Variants in RARRES1 observed in about 807,000 individuals in gnomAD.
RARRES1 encodes retinoic acid receptor responder 1, also known as retinoic acid receptor responder protein 1.
A neutral mutation model predicts 30.6 loss-of-function variants in RARRES1; 34 were observed. The observed-to-expected ratio is 1.11, with a 90% CI of 0.84 to 1.48. RARRES1 has a LOEUF of 1.48. Ranked by LOEUF, RARRES1 falls within the 40% of genes most tolerant of loss-of-function variation. The probability of loss-of-function intolerance (pLI) is 0.00; values close to 1 mark genes in which losing one functional copy is unlikely to be tolerated. For missense variants in RARRES1, 373 were observed against 386.5 expected, an observed-to-expected ratio of 0.97 and a Z score of 0.29; for synonymous variants, 153 against 155.5, an observed-to-expected ratio of 0.98 and a Z score of 0.12.
chr3:158,712,194 ATCT>A (rs1287013960), intron 2 of RARRES1, among the ~76,000 whole-genome samples: 2 of 152,168 alleles, frequency 1.3e-5, no homozygotes, highest in Non-Finnish European at 2.9e-5. Context: ...TGAGGTGATA[ATCT>A]TCTTTTTACT....
chr3:158,703,784 A>G (rs191288560), intron 4 of RARRES1, among the ~76,000 whole-genome samples: 1 of 152,250 alleles, frequency 6.6e-6, no homozygotes, highest in Admixed American at 6.5e-5. Flanking sequence ...TCCATGATCC[A>G]GTCCTTACAT....
intron 1 of RARRES1, among the ~76,000 whole-genome samples, chr3:158,720,283 A>AGAGG (rs1559873779): frequency 1.6e-5 from 2 of 122,724 alleles, no homozygotes; most frequent in African/African-American, 6.4e-5. Context: ...TGAGAGAGAG[A>AGAGG]GAGAGAGAGA....
intron 1 of RARRES1, among the ~76,000 whole-genome samples, chr3:158,724,895 G>A (rs1237366451): frequency 6.6e-6 from 1 of 151,814 alleles, no homozygotes; most frequent in East Asian, 1.9e-4. Context: ...GGTGCAATCA[G>A]GGCTCACTGC....
rs912481006 is a variant in RARRES1, at chr3:158,723,322, C to T, written c.276+8818G>A. 2.6e-5 allele frequency among the ~76,000 whole-genome samples: 4 copies of T among 152,212 alleles called. No homozygotes were observed. Among genetic ancestry groups the T allele is most frequent in the Admixed American group, 1.3e-4 (2 of 15,282 alleles). ...AGGCTATTCCAGTAAAAGCAAACTT[C>T]GTCATTTTATAAGGTTACTTTTATG... On this transcript the variant is annotated intron_variant, in intron 1 of 5. Transcript: ENST00000237696. This position sits in a 1 kb window ranked among gnomAD's most constrained non-coding sequence, Gnocchi z 4.4.
rs1559873736 is a variant in RARRES1, at chr3:158,720,266, A to ATGTATG, written c.277-6408_277-6407insCATACA. Among the ~76,000 whole-genome samples the ATGTATG allele has an allele frequency of 9.6e-5, 12 of 124,852 alleles. No homozygotes were observed. In the East Asian group the frequency reaches 1.6e-3, roughly 17 times the overall value. The allele number at this position is 124,852 out of a possible 152,430, so 81.9% of individuals were successfully genotyped here. On this transcript the variant is annotated intron_variant, in intron 1 of 5. Transcript: ENST00000237696. ...TGTGTGTGTGTGTGTGTGTGTGTGT[A>ATGTATG]TGTGTGTGAGAGAGAGAGAGAGAGA...
chr3:158,713,717 ATATT>A, intron 2 of RARRES1, 76 bp downstream of exon 2: 4 of 1,341,664 alleles, frequency 3.0e-6, no homozygotes, highest in Non-Finnish European at 4.2e-6. Flanking sequence ...AGATCACTAT[ATATT>A]AAGATTCTCA....
At chr3:158,702,386 G>A (rs574225244) in intron 4 of RARRES1, among the ~76,000 whole-genome samples, 3 of 152,232 alleles carry the variant, frequency 2.0e-5, no homozygotes, top group Non-Finnish European at 2.9e-5. Flanking sequence ...CCTCGCTTTC[G>A]TACGTGCAGT....
intron 4 of RARRES1, among the ~76,000 whole-genome samples, chr3:158,701,436 A>G (rs1277082456): frequency 2.0e-5 from 3 of 151,808 alleles, no homozygotes; most frequent in Admixed American, 6.6e-5. Context: ...ACTTCTTTAC[A>G]CAATTGCATT....
At chr3:158,721,244 G>T (rs1237853851) in intron 1 of RARRES1, among the ~76,000 whole-genome samples, 1 of 152,096 alleles carries the variant, frequency 6.6e-6, no homozygotes, top group Admixed American at 6.5e-5. Context: ...TTACAATGGT[G>T]GGTGGGGGAT....
At chr3:158,721,910 G>A in intron 1 of RARRES1, among the ~76,000 whole-genome samples, 1 of 152,008 alleles carries the variant, frequency 6.6e-6, no homozygotes, top group African/African-American at 2.4e-5. Context: ...TGACCAACAT[G>A]GAGAAACCCC....
chr3:158,713,850 T>C lies in RARRES1; in HGVS notation c.286A>G (p.Lys96Glu), dbSNP rs774534879. 6 of 1,613,902 alleles carry C rather than the reference T, an allele frequency of 3.7e-6. No individual in the cohort carries two copies. In the South Asian group the frequency reaches 5.5e-5, roughly 15 times the overall value. Residue 96 changes from lysine to glutamate, a missense_variant, in exon 2 of 6, where the codon AAA (lysine) becomes GAA (glutamate). Physicochemically the swap from Lys to Glu is moderately conservative, Grantham distance 56 (BLOSUM62 1). Transcript: ENST00000237696. ...ACCACGTGAACTTTACATCCCTCTTTTGGATTAATCTGGAACACAGAAACT... is the reference window on the plus strand; with the variant it reads ...ACCACGTGAACTTTACATCCCTCTTCTGGATTAATCTGGAACACAGAAACT... ...VQEGRAWINP[K>E]EGCKVHVVFS... is the part of the protein sequence containing the mutation.
chr3:158,721,039 A>C (rs1055971448), intron 1 of RARRES1, among the ~76,000 whole-genome samples: 2 of 152,204 alleles, frequency 1.3e-5, no homozygotes, highest in Non-Finnish European at 2.9e-5. Context: ...CCCTGGATGC[A>C]GACCCTTTCA....
Position 158,697,352 on chromosome 3 carries a change from A to T in RARRES1, c.*326T>A, listed in dbSNP as rs1328252550. ...ATATAAATTCAGAGATGAGACCATC[A>T]TTTTTTGCAGTTAAAAAAAAAATGC... On this transcript the variant is annotated 3_prime_UTR_variant, in exon 6 of 6. Coordinates refer to ENST00000237696, the MANE Select transcript of RARRES1 (RefSeq NM_206963.2). 3 of 198,548 alleles carry T rather than the reference A, an allele frequency of 1.5e-5. No homozygotes were observed. Among genetic ancestry groups the T allele is most frequent in the South Asian group, 3.2e-4 (2 of 6,320 alleles). 12.3% of individuals were successfully genotyped at this position (198,548 alleles called of 1,614,324 possible).
chr3:158,705,018 T>TATTAAA, intron 3 of RARRES1, 91 bp from the exon 4 acceptor site: 1 of 1,468,724 alleles, frequency 6.8e-7, no homozygotes, highest in South Asian at 1.4e-5. Context: ...TTAAACTTAG[T>TATTAAA]CATACCAGTC....
Position 158,697,118 on chromosome 3 carries a change from A to G in RARRES1, c.*560T>C, listed in dbSNP as rs1726570605. 6.6e-6 allele frequency: 1 copy of G among 152,250 alleles called. No homozygotes were observed. The highest frequency in any genetic ancestry group is 1.5e-5 in the Non-Finnish European group (1 of 68,054). 9.4% of individuals were successfully genotyped at this position (152,250 alleles called of 1,614,324 possible). Reference sequence around the variant, plus strand: ...ATTCAACACATTTCATTATTTAGAAATGTAAACATTTATTTAAAAGTAGGT... The same window carrying G: ...ATTCAACACATTTCATTATTTAGAAGTGTAAACATTTATTTAAAAGTAGGT... On this transcript the variant is annotated 3_prime_UTR_variant, in exon 6 of 6. Coordinates refer to ENST00000237696, the MANE Select transcript of RARRES1 (RefSeq NM_206963.2).
At chr3:158,711,600 C>CTTTTTTT (rs1175463184) in intron 2 of RARRES1, among the ~76,000 whole-genome samples, 1 of 121,314 alleles carries the variant, frequency 8.2e-6, no homozygotes. Flanking sequence ...TTGCATTCAT[C>CTTTTTTT]TTTTTTTTTT....
At chr3:158,710,988 G>A in intron 2 of RARRES1, 55 bp from the exon 3 acceptor site, 2 of 1,479,194 alleles carry the variant, frequency 1.4e-6, no homozygotes, top group African/African-American at 1.4e-5. Context: ...GTGCACACAA[G>A]CACACACAAG....
intron 4 of RARRES1, among the ~76,000 whole-genome samples, chr3:158,702,149 T>C (rs1726755650): frequency 6.6e-6 from 1 of 152,180 alleles, no homozygotes. Context: ...GCGATTCTCC[T>C]ACCTCAGCCT....
chr3:158,709,953 G>A (rs1399126012), intron 3 of RARRES1, among the ~76,000 whole-genome samples: 2 of 152,160 alleles, frequency 1.3e-5, no homozygotes, highest in African/African-American at 4.8e-5. Flanking sequence ...AGATAAACAT[G>A]ACTCCCCTGC....
Sources: allele counts gnomAD v4.1 joint callset (sites outside exome capture counted in the v4.1 genomes callset), GRCh38; gene constraint gnomAD v4.1.1; non-coding constraint Gnocchi (gnomAD v3.1); transcripts MANE v1.5; gene names NCBI Gene and HGNC (gene_info 2026-07-23, HGNC 2026-07-21).